Variants in RTEL1 observed in about 807,000 individuals in gnomAD.
RTEL1 encodes the protein regulator of telomere length.
In RTEL1, 86 loss-of-function variants were observed where a neutral mutation model predicts 162.2. The ratio of observed to expected loss-of-function variants is 0.53; its 90% confidence interval spans 0.45 to 0.63. The LOEUF is 0.63. Ranked by LOEUF, RTEL1 falls within the 30% of genes least tolerant of loss-of-function variation. The pLI is 0.00. For synonymous variants in RTEL1, 958 were observed against 717.9 expected (o/e 1.33, Z -5.35); for missense variants, 1,941 against 1,750.2 (o/e 1.11, Z -1.95).
Position 63,662,607 on chromosome 20 carries a change from C to G in RTEL1, c.457C>G (p.Gln153Glu). The change falls in exon 5 of 35, where the codon CAA becomes GAA. Residue 153 changes from glutamine to glutamate, a missense_variant. Coordinates refer to ENST00000360203, the MANE Select transcript of RTEL1 (RefSeq NM_001283009.2). ...GTGCATCCATCCTGAGGTGAAGAAA[C>G]AAGAGAGTAACCATCTACAGGTAGG... is the stretch of plus-strand genomic sequence containing the variant. ...QLCIHPEVKK[Q>E]ESNHLQIHLC... The G allele has an allele frequency of 1.2e-6, 2 of 1,614,012 alleles. No individual in the cohort carries two copies. The highest frequency in any genetic ancestry group is 1.7e-6 in the Non-Finnish European group (2 of 1,180,020).
intron 2 of RTEL1, among the ~76,000 whole-genome samples, chr20:63,659,708 C>G (rs147054744): frequency 2.5e-4 from 38 of 152,166 alleles, no homozygotes; most frequent in African/African-American, 8.7e-4. Flanking sequence ...GCCGGCCCCT[C>G]CACACCTGTG....
At position 63,692,980 on chromosome 20, in the gene RTEL1, C is replaced by G. The variant is rs142969505; in HGVS notation, c.2828C>G (p.Pro943Arg). Reference protein sequence around the residue: ...ACLGPLFAEDPKKHNLLQGFY... With the variant: ...ACLGPLFAEDRKKHNLLQGFY... ...CTCGGCCCCCTCTTTGCTGAGGACCCCAAGAAGCACAACCTGCTCCAAGGT... is the reference window on the plus strand; with the variant it reads ...CTCGGCCCCCTCTTTGCTGAGGACCGCAAGAAGCACAACCTGCTCCAAGGT... Residue 943 changes from proline (P) to arginine (R), a missense_variant, in exon 29 of 35, where the codon CCC (proline) becomes CGC (arginine). Transcript: ENST00000360203. 72 of 1,612,504 alleles carry G rather than the reference C, an allele frequency of 4.5e-5. No homozygotes were observed. Among genetic ancestry groups the G allele is most frequent in the African/African-American group, 1.1e-4 (8 of 74,932 alleles).
chr20:63,682,461 G>A, intron 14 of RTEL1: 4 of 985,740 alleles, frequency 4.1e-6, no homozygotes, highest in Non-Finnish European at 4.8e-6. Flanking sequence ...CTGGAACGTG[G>A]CCTCCCAGGC....
rs200803729 is a variant in RTEL1, at chr20:63,688,130, C to T, written c.1596-9C>T. On this transcript the variant is annotated splice_polypyrimidine_tract_variant and intron_variant, in intron 18 of 34. Transcript: ENST00000360203. Reference sequence around the variant, plus strand: ...CTGAGGTCCTGAGCAGTGGCCTCTCCGGCTCTAGGTTTTCCGAGGAGTGCT... The same window carrying T: ...CTGAGGTCCTGAGCAGTGGCCTCTCTGGCTCTAGGTTTTCCGAGGAGTGCT... 3.1e-3 allele frequency: 4,988 copies of T among 1,612,516 alleles called. 158 individuals are homozygous for T. In the South Asian group the frequency reaches 0.05, roughly 16 times the overall value.
intron 10 of RTEL1, among the ~76,000 whole-genome samples, chr20:63,675,262 A>G (rs1211864991): frequency 3.3e-5 from 5 of 152,152 alleles, no homozygotes; most frequent in Non-Finnish European, 7.3e-5. Context: ...CTGTGTGAAT[A>G]TCTTCATAGG....
At position 63,694,942 on chromosome 20, in the gene RTEL1, C is replaced by G; in HGVS notation, c.3311C>G (p.Thr1104Ser). ...CTGGCTGTGTTGGCCGCCCTGACCA[C>G]TGCAAAGCCAGAGGACTTCCCCCTG... ...KVLAVLAALT[T>S]AKPEDFPLLH... Residue 1104 changes from threonine to serine, a missense_variant, in exon 32 of 35, where the codon ACT (threonine) becomes AGT (serine). Physicochemically the swap from Thr to Ser is moderately conservative, Grantham distance 58 (BLOSUM62 1). Coordinates refer to ENST00000360203, the MANE Select transcript of RTEL1 (RefSeq NM_001283009.2). The G allele has an allele frequency of 6.2e-7, 1 of 1,612,608 alleles. No homozygotes were observed. The highest frequency in any genetic ancestry group is 8.5e-7 in the Non-Finnish European group (1 of 1,179,882).
chr20:63,694,428 G>GA lies in RTEL1; in HGVS notation c.3050dup (p.Asp1017GlufsTer50). On this transcript the variant is annotated frameshift_variant, in exon 31 of 35. Coordinates refer to ENST00000360203, the MANE Select transcript of RTEL1 (RefSeq NM_001283009.2). LOFTEE classifies it high-confidence loss of function. Reference sequence around the variant, plus strand: ...GTCCACGGCTGCAGCCCAGCAGCTGGACCCCCAAGAGCACCTGAACCAGGG... The same window carrying GA: ...GTCCACGGCTGCAGCCCAGCAGCTGGAACCCCCAAGAGCACCTGAACCAGGG... 1 of 1,612,362 alleles carries GA rather than the reference G, an allele frequency of 6.2e-7. No homozygotes were observed. The highest frequency in any genetic ancestry group is 8.5e-7 in the Non-Finnish European group (1 of 1,179,648).
At chr20:63,692,058 G>A in intron 28 of RTEL1, 2 of 522,206 alleles carry the variant, frequency 3.8e-6, no homozygotes, top group Non-Finnish European at 7.0e-6. Flanking sequence ...CCACCCTTGG[G>A]CAGGTTTGGC....
chr20:63,660,961 A>G (rs2090007998), intron 2 of RTEL1, among the ~76,000 whole-genome samples: 1 of 152,264 alleles, frequency 6.6e-6, no homozygotes, highest in African/African-American at 2.4e-5. Flanking sequence ...ATAGGACAGC[A>G]TAAATGTTTG....
At position 63,659,414 on chromosome 20, in the gene RTEL1, A is replaced by C. The variant is rs779748543; in HGVS notation, c.12A>C (p.Ile4=). 78 of 1,613,690 alleles carry C rather than the reference A, an allele frequency of 4.8e-5. No individual in the cohort carries two copies. Among genetic ancestry groups the C allele is most frequent in the Non-Finnish European group, 6.4e-5 (76 of 1,179,696 alleles). ...GAGAACAGGCTGATATGCCCAAGAT[A>C]GTCCTGAATGGTGTGACCGTAGACT... MPK[I]VLNGVTVDFP... is the part of the protein sequence containing the mutation. The change falls in exon 2 of 35, where the codon ATA becomes ATC. Residue 4 remains isoleucine, a synonymous_variant. Transcript: ENST00000360203.
intron 30 of RTEL1, 68 bp from the exon 31 acceptor site, chr20:63,694,304 G>GGCCCCCC: frequency 1.2e-6 from 1 of 813,000 alleles, no homozygotes; most frequent in Non-Finnish European, 2.1e-6. Flanking sequence ...AGCCAGCCCT[G>GGCCCCCC]CCCCCCCACC....
In RTEL1 at chr20:63,693,388, C is replaced by T. The variant is rs540278605; in HGVS notation, c.2992+105C>T. On this transcript the variant is annotated intron_variant, in intron 30 of 34. Transcript: ENST00000360203. Reference sequence around the variant, plus strand: ...GGCATCCTCGGGCCCTGCTTGGCCCCGCCTCTCTGTTCCCCTATGGGAGTG... The same window carrying T: ...GGCATCCTCGGGCCCTGCTTGGCCCTGCCTCTCTGTTCCCCTATGGGAGTG... 7.5e-4 allele frequency: 1,049 copies of T among 1,405,770 alleles called. 3 individuals are homozygous for T. In the African/African-American group the frequency reaches 7.8e-3, roughly 10 times the overall value. The allele number at this position is 1,405,770 out of a possible 1,614,324, so 87.1% of individuals were successfully genotyped here.
At chr20:63,684,105 T>C (rs144853131) in intron 14 of RTEL1, among the ~76,000 whole-genome samples, 94 of 152,312 alleles carry the variant, frequency 6.2e-4, no homozygotes, top group African/African-American at 2.2e-3. Context: ...CCGGGTCTTG[T>C]GTATTCTCCA....
chr20:63,692,710 C>G, intron 28 of RTEL1, 95 bp from the exon 29 acceptor site: 1 of 1,246,134 alleles, frequency 8.0e-7, no homozygotes, highest in Non-Finnish European at 1.1e-6. Flanking sequence ...AGTCACTGTC[C>G]CAGGGAACGC....
Position 63,685,513 on chromosome 20 carries a change from TG to T in RTEL1, c.1192-9del, listed in dbSNP as rs200008996. ...GCTCCTGACGGGGCTGCACTTCCTCTGCCTTTCAGATTGTGTTCAGTGTGGA... is the reference window on the plus strand; with the variant it reads ...GCTCCTGACGGGGCTGCACTTCCTCTCCTTTCAGATTGTGTTCAGTGTGGA... On this transcript the variant is annotated splice_polypyrimidine_tract_variant and intron_variant, in intron 14 of 34. Transcript: ENST00000360203. 2.0e-3 allele frequency: 3,181 copies of T among 1,612,132 alleles called. 62 individuals are homozygous for T. The African/African-American group carries it at 0.038, about 19-fold the overall frequency.
chr20:63,690,790 C>T lies in RTEL1; in HGVS notation c.2414-15C>T, dbSNP rs369129770. ...CCCCCCGTGGGCTTCACTGCGCACT[C>T]GGGTGCCCCTGCAGGGTCACCAGCT... On this transcript the variant is annotated splice_polypyrimidine_tract_variant and intron_variant, in intron 26 of 34. Transcript: ENST00000360203. 377 of 1,594,960 alleles carry T rather than the reference C, an allele frequency of 2.4e-4. No homozygotes were observed. Among genetic ancestry groups the T allele is most frequent in the Non-Finnish European group, 3.0e-4 (348 of 1,172,770 alleles).
In RTEL1 at chr20:63,695,824, G is replaced by A. The variant is rs761398123; in HGVS notation, c.3869G>A (p.Ser1290Asn). ...TGCCACACCGCCTCCAGGAAGCAGA[G>A]CGTCATGCAGGTCTTCTGGCCAGAG... ...PACHTASRKQ[S>N]VMQVFWPEPQ The change falls in exon 35 of 35, where the codon AGC becomes AAC. Residue 1290 changes from serine (S) to asparagine (N), a missense_variant. Physicochemically the swap from Ser to Asn is conservative, Grantham distance 46. Transcript: ENST00000360203. The A allele has an allele frequency of 1.3e-6, 2 of 1,599,916 alleles. 1 individual carries two copies. The highest frequency in any genetic ancestry group is 2.2e-5 in the South Asian group (2 of 88,952).
chr20:63,685,108 G>A (rs1367361914), intron 14 of RTEL1, among the ~76,000 whole-genome samples: 1 of 147,156 alleles, frequency 6.8e-6, no homozygotes, highest in Non-Finnish European at 1.5e-5. Context: ...GGCTGGTCTC[G>A]AACTCCTGGG....
chr20:63,693,750 A>T (rs1445057528), intron 30 of RTEL1, among the ~76,000 whole-genome samples: 25 of 78,002 alleles, frequency 3.2e-4, no homozygotes, highest in Middle Eastern at 4.8e-3. Flanking sequence ...CACCACCACC[A>T]CCACCTCCAC....
Sources: gnomAD v4.1 joint callset for allele counts (sites outside exome capture counted in the v4.1 genomes callset) on GRCh38, gnomAD v4.1.1 for gene constraint, MANE v1.5 for transcripts, NCBI Gene and HGNC (gene_info 2026-07-23, HGNC 2026-07-21) for gene names.